Variants in ADGRV1 observed in about 807,000 individuals in gnomAD.
The protein encoded by ADGRV1 is G-protein coupled receptor 98.
ADGRV1 carries 359 observed loss-of-function variants against 596.2 expected under a neutral mutation model. The ratio of observed to expected loss-of-function variants is 0.60; its 90% CI spans 0.55 to 0.66. ADGRV1 has a LOEUF of 0.66. Ranked by LOEUF, ADGRV1 falls within the 30% of genes least tolerant of loss-of-function variation. ADGRV1 has a pLI of 0.00. For missense variants in ADGRV1, 7,274 were observed against 7,575.6 expected, an observed-to-expected ratio of 0.96 and a Z score of 1.48; for synonymous variants, 2,681 against 2,679.2, an observed-to-expected ratio of 1.00 and a Z score of -0.02.
At chr5:91,025,830 A>G (rs150757663) in intron 85 of ADGRV1, among the ~76,000 whole-genome samples, 245 of 152,326 alleles carry the variant, frequency 1.6e-3, no homozygotes, top group African/African-American at 5.7e-3. Context: ...TCCAGAAACT[A>G]TGAATATACT....
intron 85 of ADGRV1, among the ~76,000 whole-genome samples, chr5:90,996,789 TG>T (rs952080530): frequency 1.2e-4 from 18 of 152,306 alleles, no homozygotes; most frequent in African/African-American, 4.3e-4. Flanking sequence ...ACCAAGGCCT[TG>T]GGAGCCCACG....
intron 23 of ADGRV1, chr5:90,674,726 T>A (rs1401637983): frequency 1.3e-5 from 2 of 153,528 alleles, no homozygotes; most frequent in African/African-American, 2.4e-5. Flanking sequence ...TGGAAAATAA[T>A]ATTTCTTCTA....
At chr5:91,143,466 C>T (rs1795271168) in intron 87 of ADGRV1, among the ~76,000 whole-genome samples, 1 of 152,210 alleles carries the variant, frequency 6.6e-6, no homozygotes, top group Non-Finnish European at 1.5e-5. Context: ...AGGAGACTCG[C>T]AGTGCTCCTC....
intron 83 of ADGRV1, among the ~76,000 whole-genome samples, chr5:90,895,532 G>A (rs1274402598): frequency 6.6e-6 from 1 of 152,186 alleles, no homozygotes; most frequent in Non-Finnish European, 1.5e-5. Context: ...ATTTTAACAA[G>A]ATGGGGAGTC....
rs141602967 is a variant in ADGRV1, at chr5:90,652,041, C to T, written c.3417-305C>T. ...TCTTCTCTCAGATGATATGTGACTA[C>T]CCCCACCCTGTACTTTGCTTTTGGA... On this transcript the variant is annotated intron_variant, in intron 18 of 89. Coordinates refer to ENST00000405460, the MANE Select transcript of ADGRV1 (RefSeq NM_032119.4). Among the ~76,000 whole-genome samples the T allele has an allele frequency of 3.7e-3, 566 of 151,488 alleles. 3 individuals carry two copies. Among genetic ancestry groups the T allele is most frequent in the African/African-American group, 0.012 (510 of 41,254 alleles).
rs1259842291 is a variant in ADGRV1 at position 90,622,617 on chromosome 5, T to A, written c.474T>A (p.Ser158Arg). Residue 158 changes from serine (S) to arginine (R), a missense_variant, in exon 5 of 90, where the codon AGT (serine) becomes AGA (arginine). Ser to Arg is a moderately radical substitution (Grantham distance 110). Around this residue, in one of 5 missense-constraint regions of ADGRV1, gnomAD observed 1,715 missense variants for 1,708.8 expected, o/e 1.00. Coordinates refer to ENST00000405460, the MANE Select transcript of ADGRV1 (RefSeq NM_032119.4). ...SFNMLPSIAV[S>R]EPKGRNESMP... ...AATAGCTTCCCTCAATCGCAGTGAG[T>A]GAGCCCAAGGGCAGAAATGAGTCTA... The A allele has an allele frequency of 2.0e-6, 3 of 1,476,686 alleles. No homozygotes were observed. Among genetic ancestry groups the A allele is most frequent in the African/African-American group, 2.9e-5 (2 of 69,816 alleles). 91.5% of individuals were successfully genotyped at this position (1,476,686 alleles called of 1,614,324 possible).
chr5:90,779,321 G>A, intron 64 of ADGRV1: 1 of 335,018 alleles, frequency 3.0e-6, no homozygotes, highest in Non-Finnish European at 5.5e-6. Flanking sequence ...TTGAAAGTAT[G>A]TGTTTCTATT....
At chr5:90,628,182 T>C (rs1305364388) in intron 7 of ADGRV1, among the ~76,000 whole-genome samples, 3 of 145,520 alleles carry the variant, frequency 2.1e-5, no homozygotes, top group African/African-American at 8.3e-5. Context: ...GTCTAGGTGT[T>C]CAAGACCAGC....
intron 87 of ADGRV1, among the ~76,000 whole-genome samples, chr5:91,137,960 A>G (rs1422894180): frequency 6.6e-6 from 1 of 152,256 alleles, no homozygotes; most frequent in African/African-American, 2.4e-5. Context: ...CTGCTGTATC[A>G]AATAGGATGG....
intron 43 of ADGRV1, among the ~76,000 whole-genome samples, chr5:90,719,368 T>G (rs1399302809): frequency 2.0e-5 from 3 of 148,918 alleles, no homozygotes; most frequent in African/African-American, 7.4e-5. Context: ...TAAATAAATG[T>G]ATTTAACATT....
chr5:90,904,000 T>C (rs919808588), intron 83 of ADGRV1, among the ~76,000 whole-genome samples: 1 of 152,008 alleles, frequency 6.6e-6, no homozygotes, highest in African/African-American at 2.4e-5. Context: ...ATCCCACAAA[T>C]AGGGAGAACA....
At chr5:90,929,508 C>T (rs1456895200) in intron 83 of ADGRV1, 2 of 152,542 alleles carry the variant, frequency 1.3e-5, no homozygotes, top group Admixed American at 1.3e-4. Context: ...GGTGCGCGCA[C>T]CCACTGACCT....
intron 86 of ADGRV1, 129 bp downstream of exon 86, chr5:91,072,733 C>CT: frequency 2.4e-6 from 2 of 843,928 alleles, no homozygotes; most frequent in Non-Finnish European, 3.7e-6. Context: ...ACAAGTTAAG[C>CT]TATAGCTCTC....
intron 50 of ADGRV1, among the ~76,000 whole-genome samples, chr5:90,740,964 C>T (rs1012370448): frequency 6.6e-6 from 1 of 152,184 alleles, no homozygotes; most frequent in Non-Finnish European, 1.5e-5. Context: ...GCCTCACTCC[C>T]ATGTTCTGGG....
intron 34 of ADGRV1, among the ~76,000 whole-genome samples, chr5:90,702,255 T>G (rs1246462026): frequency 3.3e-5 from 5 of 151,964 alleles, no homozygotes; most frequent in Non-Finnish European, 7.4e-5. Flanking sequence ...TGGCTGACTA[T>G]ACATAGTCCT....
intron 73 of ADGRV1, among the ~76,000 whole-genome samples, chr5:90,808,782 G>A (rs1291278974): frequency 6.6e-6 from 1 of 152,112 alleles, no homozygotes; most frequent in South Asian, 2.1e-4. Context: ...TGTAGTCCCA[G>A]CTACTTGGGA....
intron 75 of ADGRV1, among the ~76,000 whole-genome samples, chr5:90,821,203 C>T (rs1164626762): frequency 2.9e-4 from 44 of 150,598 alleles, no homozygotes; most frequent in Admixed American, 1.4e-3. Flanking sequence ...TCCAGTTGAT[C>T]GCATCGGCTC....
At chr5:90,718,499 T>C (rs1750452953) in intron 43 of ADGRV1, 1 of 152,156 alleles carries the variant, frequency 6.6e-6, no homozygotes, top group African/African-American at 2.4e-5. Flanking sequence ...CTGTAGAAAA[T>C]ATAATAAATC....
At chr5:90,651,471 T>C (rs1014543532) in intron 17 of ADGRV1, 133 bp from the exon 18 acceptor site, 1 of 686,918 alleles carries the variant, frequency 1.5e-6, no homozygotes, top group African/African-American at 1.8e-5. Flanking sequence ...TTTGCATTTA[T>C]TATATGACCT....
Sources: gnomAD v4.1 joint callset for allele counts (sites outside exome capture counted in the v4.1 genomes callset) on GRCh38, gnomAD v4.1.1 for gene constraint, gnomAD v4.1.1 regional missense constraint, MANE v1.5 for transcripts, NCBI Gene and HGNC (gene_info 2026-07-23, HGNC 2026-07-21) for gene names.